Variants in TP53TG3D observed in about 807,000 individuals in gnomAD.
TP53TG3D encodes TP53 target 3D, also known as TP53-target gene 3 protein.
For missense variants in TP53TG3D, 4 were observed against 139.9 expected, an observed-to-expected ratio of 0.03 and a Z score of 4.90; for synonymous variants, 2 against 56.9, an observed-to-expected ratio of 0.04 and a Z score of 4.34.
At chr16:32,255,151 T>C (rs1361413023) in exon 2 of TP53TG3D, 1 of 780,404 alleles carries the variant, frequency 1.3e-6, no homozygotes, top group Non-Finnish European at 2.1e-6. Flanking sequence ...AGACAAAAAC[T>C]CTAAGAACTT....
chr16:32,255,341 G>C, exon 2 of TP53TG3D: 2 of 261,126 alleles, frequency 7.7e-6, no homozygotes, highest in South Asian at 7.7e-5. Context: ...TTGCAAGTTT[G>C]CAGCTGTTAG....
chr16:32,255,299 A>C (rs553948774), exon 2 of TP53TG3D: 3,155 of 281,970 alleles, frequency 0.011, 104 homozygotes, highest in African/African-American at 0.05. Flanking sequence ...GGATCTTTAG[A>C]TTAAAAAAAA....
chr16:32,254,621 C>A (rs2142085585), intron 1 of TP53TG3D: 2 of 1,449,072 alleles, frequency 1.4e-6, no homozygotes, highest in Non-Finnish European at 1.8e-6. Flanking sequence ...TCTCTGACCC[C>A]ACCCAGGCTG....
At position 32,254,771 on chromosome 16, in the gene TP53TG3D, C is replaced by T. The variant is rs866400254; in HGVS notation, c.363-120C>T. The T allele has an allele frequency of 3.0e-5, 47 of 1,587,316 alleles. 2 individuals carry two copies. The highest frequency in any genetic ancestry group is 4.5e-4 in the Middle Eastern group (2 of 4,426). Reference sequence around the variant, plus strand: ...GTCAGGGATAGTGTCTGCGCTTCTACCCTGAATAGGGCTCCCTTGGAAAAT... The same window carrying T: ...GTCAGGGATAGTGTCTGCGCTTCTATCCTGAATAGGGCTCCCTTGGAAAAT... On this transcript the variant is annotated intron_variant, in intron 1 of 1. Transcript: ENST00000398664.
intron 1 of TP53TG3D, 110 bp from the exon 2 acceptor site, chr16:32,254,781 G>C: frequency 6.2e-7 from 1 of 1,600,524 alleles, no homozygotes; most frequent in South Asian, 1.1e-5. Flanking sequence ...CCCTGAATAG[G>C]GCTCCCTTGG....
exon 2 of TP53TG3D, chr16:32,255,123 A>G: frequency 7.1e-6 from 6 of 843,214 alleles, no homozygotes; most frequent in Non-Finnish European, 7.4e-6. Flanking sequence ...GTTTGTCCTT[A>G]ACGTCAGACT....
rs1293956708 is a variant in TP53TG3D, at chr16:32,255,176, A to C, written c.*273A>C. 3.2e-5 allele frequency: 20 copies of C among 617,180 alleles called. 2 individuals are homozygous for C. Among genetic ancestry groups the C allele is most frequent in the Non-Finnish European group, 5.1e-5 (18 of 351,786 alleles). The allele number at this position is 617,180 out of a possible 1,614,324, so 38.2% of individuals were successfully genotyped here. A position where few individuals can be genotyped will look rare whatever the true frequency, so the allele number is the denominator to read the frequency against. ...TCTAAGAACTTATTTCCATTCTTAC[A>C]AATAGTAAAAATGATAAATCATATC... On this transcript the variant is annotated 3_prime_UTR_variant, in exon 2 of 2. Transcript: ENST00000398664.
At chr16:32,254,775 G>A in intron 1 of TP53TG3D, 116 bp from the exon 2 acceptor site, 7 of 1,593,350 alleles carry the variant, frequency 4.4e-6, no homozygotes, top group Non-Finnish European at 6.0e-6. Context: ...CTTCTACCCT[G>A]AATAGGGCTC....
exon 2 of TP53TG3D, chr16:32,254,904 G>T: frequency 6.3e-7 from 1 of 1,599,030 alleles, no homozygotes; most frequent in Non-Finnish European, 8.5e-7. Context: ...TTCAGGTTAA[G>T]TACTGCACGA....
In TP53TG3D at chr16:32,254,886, T is replaced by C; in HGVS notation, c.363-5T>C. ...ATCATTCTCTTAATTCATGTTTCCA[T>C]TAAGTTTTTCAGGTTAAGTACTGCA... On this transcript the variant is annotated splice_polypyrimidine_tract_variant and splice_region_variant and intron_variant, in intron 1 of 1. Transcript: ENST00000398664. 2 of 1,596,684 alleles carry C rather than the reference T, an allele frequency of 1.3e-6. No individual in the cohort carries two copies.
chr16:32,254,719 A>G, intron 1 of TP53TG3D, 172 bp from the exon 2 acceptor site: 1 of 1,469,504 alleles, frequency 6.8e-7, no homozygotes. Context: ...GTCCCTCCCA[A>G]CACATGAGGG....
chr16:32,254,851 C>G (rs780837176), intron 1 of TP53TG3D, 40 bp from the exon 2 acceptor site: 61 of 1,596,360 alleles, frequency 3.8e-5, no homozygotes, highest in Non-Finnish European at 5.1e-5. Context: ...TCTGATAGAA[C>G]TAAACAGTGA....
chr16:32,254,805 T>C (rs1403743372), intron 1 of TP53TG3D, 86 bp from the exon 2 acceptor site: 11 of 1,607,592 alleles, frequency 6.8e-6, no homozygotes, highest in African/African-American at 5.4e-5. Context: ...ATAATATCTC[T>C]TTTTAAATAC....
chr16:32,255,228 C>T, exon 2 of TP53TG3D: 3 of 457,564 alleles, frequency 6.6e-6, no homozygotes, highest in Non-Finnish European at 4.0e-6. Flanking sequence ...CTGCCTGCTG[C>T]TTTCCTAAAT....
rs969969634 is a variant in TP53TG3D at position 32,255,168 on chromosome 16, A to C, written c.*265A>C. ...ACAAAAACTCTAAGAACTTATTTCCATTCTTACAAATAGTAAAAATGATAA... is the reference window on the plus strand; with the variant it reads ...ACAAAAACTCTAAGAACTTATTTCCCTTCTTACAAATAGTAAAAATGATAA... On this transcript the variant is annotated 3_prime_UTR_variant, in exon 2 of 2. Transcript: ENST00000398664. 7 of 654,540 alleles carry C rather than the reference A, an allele frequency of 1.1e-5. No homozygotes were observed. In the African/African-American group the frequency reaches 1.1e-4, roughly 10 times the overall value. 40.5% of individuals were successfully genotyped at this position (654,540 alleles called of 1,614,324 possible). A position where few individuals can be genotyped will look rare whatever the true frequency, so the allele number is the denominator to read the frequency against.
chr16:32,254,896 C>T, exon 2 of TP53TG3D: 1 of 1,598,718 alleles, frequency 6.3e-7, no homozygotes, highest in Non-Finnish European at 8.5e-7. Flanking sequence ...TTAAGTTTTT[C>T]AGGTTAAGTA....
chr16:32,255,068 A>G, exon 2 of TP53TG3D: 1 of 1,448,380 alleles, frequency 6.9e-7, no homozygotes, highest in East Asian at 2.4e-5. Flanking sequence ...AAAGAATGGA[A>G]CATTTAAGAC....
At chr16:32,255,074 A>T in exon 2 of TP53TG3D, 4 of 1,425,366 alleles carry the variant, frequency 2.8e-6, no homozygotes, top group South Asian at 1.2e-5. Context: ...TGGAACATTT[A>T]AGACAAGTCT....
exon 2 of TP53TG3D, chr16:32,255,215 G>A (rs1962196459): frequency 2.0e-6 from 1 of 487,974 alleles, no homozygotes; most frequent in Non-Finnish European, 3.8e-6. Flanking sequence ...TCAATTGAAA[G>A]TCCTGCCTGC....
Sources: gnomAD v4.1 joint callset for allele counts on GRCh38, gnomAD v4.1.1 for gene constraint, MANE v1.5 for transcripts, NCBI Gene and HGNC (gene_info 2026-07-23, HGNC 2026-07-21) for gene names.